The following ABHD3 variants were observed in gnomAD, a reference collection of about 807,000 sequenced individuals.
ABHD3 encodes phospholipase ABHD3.
Under a neutral mutation model 48.8 loss-of-function variants are expected in ABHD3, and 46 were observed. That is an observed-to-expected ratio of 0.94 (90% CI 0.74 to 1.20). The LOEUF is 1.20. Among genes scored for constraint, ABHD3 ranks in the 50% most tolerant of loss-of-function variants. ABHD3 has a pLI of 0.00. For missense variants in ABHD3, 490 were observed against 497.8 expected (o/e 0.98, Z 0.15); for synonymous variants, 192 against 183.7 (o/e 1.04, Z -0.36).
At chr18:21,669,397 C>T (rs1228960662) in intron 4 of ABHD3, among the ~76,000 whole-genome samples, 2 of 152,132 alleles carry the variant, frequency 1.3e-5, no homozygotes, top group African/African-American at 4.8e-5. Flanking sequence ...TCTCACTTTT[C>T]CCCCAACCCC....
intron 4 of ABHD3, among the ~76,000 whole-genome samples, chr18:21,666,788 C>T (rs879023584): frequency 1.3e-5 from 2 of 152,068 alleles, no homozygotes; most frequent in Non-Finnish European, 2.9e-5. Flanking sequence ...AATAAGGGCT[C>T]TGTTTATAGC....
At chr18:21,659,134 C>T (rs762016137) in intron 6 of ABHD3, 36 bp downstream of exon 6, 11 of 1,590,316 alleles carry the variant, frequency 6.9e-6, no homozygotes, top group South Asian at 6.8e-5. Context: ...CCACCGGGCC[C>T]GGCCCTGGAG....
intron 4 of ABHD3, among the ~76,000 whole-genome samples, chr18:21,670,215 G>A (rs1490711325): frequency 6.6e-6 from 1 of 152,086 alleles, no homozygotes; most frequent in Non-Finnish European, 1.5e-5. Context: ...GATGGCTAGA[G>A]AAGGCCCCCA....
intron 3 of ABHD3, among the ~76,000 whole-genome samples, chr18:21,692,246 G>A (rs553538305): frequency 5.9e-5 from 9 of 152,074 alleles, no homozygotes; most frequent in Non-Finnish European, 8.8e-5. Context: ...CACCGCACCC[G>A]GCCCTACATT....
intron 3 of ABHD3, among the ~76,000 whole-genome samples, chr18:21,684,665 C>T (rs1387536770): frequency 1.3e-5 from 2 of 152,110 alleles, no homozygotes; most frequent in Admixed American, 1.3e-4. Context: ...ATCCTCTACC[C>T]ATTGCATTTG....
chr18:21,700,249 C>T (rs973724691), intron 3 of ABHD3, among the ~76,000 whole-genome samples: 1 of 151,280 alleles, frequency 6.6e-6, no homozygotes, highest in African/African-American at 2.4e-5. Flanking sequence ...GCCACCACAC[C>T]TGTCTAATTT....
chr18:21,668,409 T>C (rs1291310948), intron 4 of ABHD3, among the ~76,000 whole-genome samples: 1 of 152,040 alleles, frequency 6.6e-6, no homozygotes, highest in Admixed American at 6.6e-5. Context: ...TCTTATTATA[T>C]AGGCTTTAAC....
intron 2 of ABHD3, among the ~76,000 whole-genome samples, chr18:21,702,710 G>A (rs1475934083): frequency 2.0e-5 from 3 of 151,966 alleles, no homozygotes; most frequent in Non-Finnish European, 2.9e-5. Context: ...AGCAACCTCC[G>A]TACAAGGTCG....
At chr18:21,669,316 T>C (rs1173524456) in intron 4 of ABHD3, among the ~76,000 whole-genome samples, 1 of 152,148 alleles carries the variant, frequency 6.6e-6, no homozygotes, top group Non-Finnish European at 1.5e-5. Flanking sequence ...TCTAGAACCT[T>C]TCCATCATAG....
intron 3 of ABHD3, among the ~76,000 whole-genome samples, chr18:21,693,781 T>G (rs1185760781): frequency 6.6e-6 from 1 of 152,218 alleles, no homozygotes; most frequent in African/African-American, 2.4e-5. Flanking sequence ...CAAATTATTT[T>G]AACAACAACA....
At chr18:21,660,120 C>G (rs2039455239) in intron 5 of ABHD3, among the ~76,000 whole-genome samples, 1 of 141,914 alleles carries the variant, frequency 7.0e-6, no homozygotes, top group South Asian at 2.2e-4. Flanking sequence ...CGCCATCAAA[C>G]ACAGCTAATT....
intron 4 of ABHD3, chr18:21,683,612 T>C (rs750064528): frequency 1.1e-5 from 5 of 460,906 alleles, no homozygotes; most frequent in Non-Finnish European, 2.2e-5. Context: ...TAACTATCGA[T>C]GTTAAAATGT....
At chr18:21,686,855 C>G (rs962269346) in intron 3 of ABHD3, among the ~76,000 whole-genome samples, 28 of 152,204 alleles carry the variant, frequency 1.8e-4, no homozygotes, top group African/African-American at 2.4e-5. Flanking sequence ...TCAGGGAACA[C>G]TGAACTAAAA....
At chr18:21,671,277 G>C (rs2039752106) in intron 4 of ABHD3, among the ~76,000 whole-genome samples, 1 of 152,082 alleles carries the variant, frequency 6.6e-6, no homozygotes, top group African/African-American at 2.4e-5. Context: ...ACAGCCGCTT[G>C]CTGCTTGATG....
At position 21,667,331 on chromosome 18, in the gene ABHD3, G is replaced by A. The variant is rs145413013; in HGVS notation, c.556-3101C>T. Among the ~76,000 whole-genome samples the A allele has an allele frequency of 8.4e-3, 1,091 of 129,864 alleles. 17 individuals carry two copies. The highest frequency in any genetic ancestry group is 0.03 in the African/African-American group (1,030 of 34,212). 85.2% of individuals were successfully genotyped at this position (129,864 alleles called of 152,430 possible). A position where few individuals can be genotyped will look rare whatever the true frequency, so the allele number is the denominator to read the frequency against. On this transcript the variant is annotated intron_variant, in intron 4 of 8. Transcript: ENST00000289119. ...GAGATCTCGGCTCACCGCAACCTCCGCCTCCCAGGTTCAAACAATTCTCCT... is the reference window on the plus strand; with the variant it reads ...GAGATCTCGGCTCACCGCAACCTCCACCTCCCAGGTTCAAACAATTCTCCT...
chr18:21,651,857 C>G (rs2039230481), intron 8 of ABHD3, 94 bp from the exon 9 acceptor site: 4 of 1,140,404 alleles, frequency 3.5e-6, no homozygotes, highest in Non-Finnish European at 3.6e-6. Context: ...ATACCTTTAT[C>G]ATGTCTAATA....
At chr18:21,671,431 T>C (rs1030657631) in intron 4 of ABHD3, among the ~76,000 whole-genome samples, 5 of 152,150 alleles carry the variant, frequency 3.3e-5, no homozygotes, top group Non-Finnish European at 5.9e-5. Flanking sequence ...ATTGAATTGA[T>C]AGGCTTTGCA....
intron 3 of ABHD3, chr18:21,701,595 T>A (rs1477576617): frequency 6.6e-6 from 1 of 151,778 alleles, no homozygotes; most frequent in Non-Finnish European, 1.5e-5. Context: ...TAAATACAAC[T>A]CACAGAGTGT....
chr18:21,657,064 AAAG>A (rs757785658), intron 7 of ABHD3, 37 bp downstream of exon 7: 1 of 1,614,022 alleles, frequency 6.2e-7, no homozygotes, highest in Non-Finnish European at 8.5e-7. Context: ...GTCTTGCCCA[AAAG>A]AAGAAATAAA....
Sources: allele counts gnomAD v4.1 joint callset (sites outside exome capture counted in the v4.1 genomes callset), GRCh38; gene constraint gnomAD v4.1.1; transcripts MANE v1.5; gene names NCBI Gene and HGNC (gene_info 2026-07-23, HGNC 2026-07-21).